COPS6: variants seen among roughly 807,000 people sequenced by gnomAD.
The protein encoded by COPS6 is COP9 signalosome subunit 6, also known as COP9 signalosome complex subunit 6.
Under a neutral mutation model 41.0 loss-of-function variants are expected in COPS6, and 9 were observed. The ratio of observed to expected loss-of-function variants is 0.22; its 90% CI spans 0.13 to 0.38. The LOEUF (loss-of-function observed/expected upper bound fraction) is 0.38. COPS6 is among the 10% of genes least tolerant of loss of function. The pLI is 1.00. For synonymous variants in COPS6, 179 were observed against 162.9 expected, an observed-to-expected ratio of 1.10 and a Z score of -0.75; for missense variants, 302 against 436.7, an observed-to-expected ratio of 0.69 and a Z score of 2.75.
chr7:100,089,206 G>C (rs1281306431), intron 1 of COPS6, 84 bp from the exon 2 acceptor site: 18 of 1,537,356 alleles, frequency 1.2e-5, no homozygotes, highest in Non-Finnish European at 5.3e-6. Flanking sequence ...AGTGTGGCCC[G>C]GGCTCCGCCG....
Position 100,091,817 on chromosome 7 carries a change from G to A in COPS6, c.*28G>A, listed in dbSNP as rs914869056. ...AGGGTACTTGAAGGGCTGATGGACA[G>A]GGGTCAGGCAACTATCCCAAAGGGG... On this transcript the variant is annotated 3_prime_UTR_variant, in exon 10 of 10. Coordinates refer to ENST00000303904, the MANE Select transcript of COPS6 (RefSeq NM_006833.5). The surrounding 1 kb of genome is among the most constrained non-coding windows in gnomAD (Gnocchi z 4.1). The A allele has an allele frequency of 6.2e-7, 1 of 1,613,988 alleles. No homozygotes were observed. Among genetic ancestry groups the A allele is most frequent in the Admixed American group, 1.7e-5 (1 of 60,022 alleles).
chr7:100,089,342 C>G lies in COPS6; in HGVS notation c.129C>G (p.Leu43=). 6.2e-7 allele frequency: 1 copy of G among 1,614,108 alleles called. No homozygotes were observed. The highest frequency in any genetic ancestry group is 8.5e-7 in the Non-Finnish European group (1 of 1,180,016). Residue 43 remains leucine (L), a synonymous_variant, in exon 2 of 10, where the codon CTC becomes CTG. Coordinates refer to ENST00000303904, the MANE Select transcript of COPS6 (RefSeq NM_006833.5). Reference sequence around the variant, plus strand: ...TGACTGGGAGTGTTTCCGTCGCTCTCCATCCCCTTGTCATTCTCAACATCT... The same window carrying G: ...TGACTGGGAGTGTTTCCGTCGCTCTGCATCCCCTTGTCATTCTCAACATCT... ...CGVTGSVSVA[L]HPLVILNISD... is the part of the protein sequence containing the mutation.
Position 100,092,063 on chromosome 7 carries a change from T to G in COPS6, c.*274T>G, listed in dbSNP as rs1449604316. On this transcript the variant is annotated 3_prime_UTR_variant, in exon 10 of 10. Coordinates refer to ENST00000303904, the MANE Select transcript of COPS6 (RefSeq NM_006833.5). ...GTGACCCCATGTCAGTCACATGGAC[T>G]GGTCTTTAGCAAAGTCCAAGGCTGC... 8.3e-6 allele frequency: 4 copies of G among 479,474 alleles called. No individual in the cohort carries two copies. The East Asian group carries it at 1.1e-4, about 14-fold the overall frequency. 29.7% of individuals were successfully genotyped at this position (479,474 alleles called of 1,614,324 possible). A position where few individuals can be genotyped will look rare whatever the true frequency, so the allele number is the denominator to read the frequency against.
rs958612990 is a variant in COPS6 at position 100,091,987 on chromosome 7, G to C, written c.*198G>C. 10 of 640,206 alleles carry C rather than the reference G, an allele frequency of 1.6e-5. No homozygotes were observed. Among genetic ancestry groups the C allele is most frequent in the Admixed American group, 5.9e-5 (2 of 33,692 alleles). The allele number at this position is 640,206 out of a possible 1,614,324, so 39.7% of individuals were successfully genotyped here. ...GTTCATCGAGGCTCATTCTGGCCTTGCTCAGAAGCCCTTCTGATGCTCTTC... is the reference window on the plus strand; with the variant it reads ...GTTCATCGAGGCTCATTCTGGCCTTCCTCAGAAGCCCTTCTGATGCTCTTC... On this transcript the variant is annotated 3_prime_UTR_variant, in exon 10 of 10. Transcript: ENST00000303904. The surrounding 1 kb of genome is among the most constrained non-coding windows in gnomAD (Gnocchi z 4.1).
Position 100,091,304 on chromosome 7 carries a change from T to G in COPS6, c.716T>G (p.Leu239Trp). The G allele has an allele frequency of 1.2e-6, 2 of 1,614,226 alleles. No homozygotes were observed. The highest frequency in any genetic ancestry group is 8.5e-7 in the Non-Finnish European group (1 of 1,180,030). The change falls in exon 8 of 10, where the codon TTG becomes TGG. Residue 239 changes from leucine (L) to tryptophan (W), a missense_variant. Leu to Trp is a moderately conservative substitution (Grantham distance 61). Coordinates refer to ENST00000303904, the MANE Select transcript of COPS6 (RefSeq NM_006833.5). The surrounding 1 kb of genome is among the most constrained non-coding windows in gnomAD (Gnocchi z 4.1). ...CTGCACAGCCGCGTCAAGCTCATCT[T>G]GGAGTACGTCAAGGCCTCTGAAGCG... ...KMLHSRVKLI[L>W]EYVKASEAGE...
chr7:100,091,247 A>T lies in COPS6; in HGVS notation c.659A>T (p.His220Leu). 2 of 1,614,142 alleles carry T rather than the reference A, an allele frequency of 1.2e-6. No homozygotes were observed. The highest frequency in any genetic ancestry group is 1.7e-6 in the Non-Finnish European group (2 of 1,180,010). The stretch of plus-strand genomic sequence containing the variant: ...CCTCATCCCCTTGCAGTGGCTGAAC[A>T]CCTGATAGCACAGCACAGCGCCATC... Reference protein sequence around the residue: ...GSGENSTVAEHLIAQHSAIKM... With the variant: ...GSGENSTVAELLIAQHSAIKM... Residue 220 changes from histidine (H) to leucine (L), a missense_variant, in exon 8 of 10, where the codon CAC becomes CTC. Coordinates refer to ENST00000303904, the MANE Select transcript of COPS6 (RefSeq NM_006833.5). The surrounding 1 kb of genome is among the most constrained non-coding windows in gnomAD (Gnocchi z 4.1).
intron 1 of COPS6, 69 bp from the exon 2 acceptor site, chr7:100,089,221 C>T: frequency 6.4e-7 from 1 of 1,554,446 alleles, no homozygotes; most frequent in Non-Finnish European, 8.7e-7. Flanking sequence ...CCGCCGTCCC[C>T]CACTGCCATC....
chr7:100,090,728 G>C, intron 5 of COPS6, 74 bp downstream of exon 5: 1 of 1,516,802 alleles, frequency 6.6e-7, no homozygotes. Flanking sequence ...CTCTATTGGG[G>C]AATGCCAGAT....
rs758547231 is a variant in COPS6 at position 100,091,612 on chromosome 7, G to T, written c.844-37G>T. The T allele has an allele frequency of 1.9e-6, 3 of 1,613,916 alleles. No homozygotes were observed. Among genetic ancestry groups the T allele is most frequent in the Non-Finnish European group, 2.5e-6 (3 of 1,179,830 alleles). ...TGTTGTTCCCCGGGCATGCCACGAG[G>T]GATCCCGAGGAACTGGTCCTTTCTG... On this transcript the variant is annotated intron_variant, in intron 9 of 9. Transcript: ENST00000303904. This position sits in a 1 kb window ranked among gnomAD's most constrained non-coding sequence, Gnocchi z 4.1.
In COPS6 at chr7:100,089,250, G is replaced by C. The variant is rs4729575; in HGVS notation, c.77-40G>C. The C allele has an allele frequency of 1.6e-5, 26 of 1,592,954 alleles. No homozygotes were observed. In the African/African-American group the frequency reaches 3.2e-4, roughly 20 times the overall value. On this transcript the variant is annotated intron_variant, in intron 1 of 9. Transcript: ENST00000303904. ...TGCCATCTCCAGGGAAGAACGTGGG[G>C]CCCGGACTCTCACCCTCTCTCCTTT...
Position 100,091,675 on chromosome 7 carries a change from C to G in COPS6, c.870C>G (p.Ala290=). 6.2e-7 allele frequency: 1 copy of G among 1,614,234 alleles called. No homozygotes were observed. The highest frequency in any genetic ancestry group is 8.5e-7 in the Non-Finnish European group (1 of 1,180,044). ...YDQCNDVGLM[A]YLGTITKTCN... ...AATGCAACGACGTGGGGCTCATGGC[C>G]TACCTCGGCACCATCACCAAAACGT... Residue 290 remains alanine (A), a synonymous_variant, in exon 10 of 10, where the codon GCC becomes GCG. Coordinates refer to ENST00000303904, the MANE Select transcript of COPS6 (RefSeq NM_006833.5). The surrounding 1 kb of genome is among the most constrained non-coding windows in gnomAD (Gnocchi z 4.1).
rs779593299 is a variant in COPS6, at chr7:100,090,673, C to T, written c.486+19C>T. 6.2e-7 allele frequency: 1 copy of T among 1,608,766 alleles called. No individual in the cohort carries two copies. The highest frequency in any genetic ancestry group is 1.3e-5 in the African/African-American group (1 of 74,820). On this transcript the variant is annotated intron_variant, in intron 5 of 9. Transcript: ENST00000303904. Reference sequence around the variant, plus strand: ...CACAGATGTGAGTAATACTCCATGCCTACTCTGTCATGATTGTCGCTATAC... The same window carrying T: ...CACAGATGTGAGTAATACTCCATGCTTACTCTGTCATGATTGTCGCTATAC...
intron 5 of COPS6, 71 bp from the exon 6 acceptor site, chr7:100,090,831 G>A: frequency 1.3e-6 from 2 of 1,558,406 alleles, no homozygotes; most frequent in Non-Finnish European, 1.8e-6. Flanking sequence ...GGGAAGATGA[G>A]AGGAAATGTG....
Position 100,089,233 on chromosome 7 carries a change from C to T in COPS6, c.77-57C>T, listed in dbSNP as rs895821090. On this transcript the variant is annotated intron_variant, in intron 1 of 9. Coordinates refer to ENST00000303904, the MANE Select transcript of COPS6 (RefSeq NM_006833.5). ...GCTCCGCCGTCCCCCACTGCCATCT[C>T]CAGGGAAGAACGTGGGGCCCGGACT... 21 of 1,577,432 alleles carry T rather than the reference C, an allele frequency of 1.3e-5. No individual in the cohort carries two copies. The African/African-American group carries it at 2.7e-4, about 20-fold the overall frequency.
At chr7:100,089,253 C>T (rs371808452) in intron 1 of COPS6, 37 bp from the exon 2 acceptor site, 28 of 1,594,978 alleles carry the variant, frequency 1.8e-5, no homozygotes, top group Middle Eastern at 1.7e-4. Context: ...ACGTGGGGCC[C>T]GGACTCTCAC....
rs1265509667 is a variant in COPS6, at chr7:100,089,008, G to GGCGGCGGCGGCT, written c.23_24insGGCGGCTGCGGC (p.Ala7_Ala10dup). On this transcript the variant is annotated inframe_insertion, in exon 1 of 10. Coordinates refer to ENST00000303904, the MANE Select transcript of COPS6 (RefSeq NM_006833.5). ...CGGGGAAAATGGCGGCGGCGGCGGC[G>GGCGGCGGCGGCT]GCGGCTGCAGCTACGAACGGGACCG... The GGCGGCGGCGGCT allele has an allele frequency of 7.6e-6, 10 of 1,311,602 alleles. No homozygotes were observed. The highest frequency in any genetic ancestry group is 9.7e-6 in the Non-Finnish European group (10 of 1,027,516). The allele number at this position is 1,311,602 out of a possible 1,614,324, so 81.2% of individuals were successfully genotyped here.
chr7:100,089,403 C>G lies in COPS6; in HGVS notation c.190C>G (p.Arg64Gly). The change falls in exon 2 of 10, where the codon CGG (arginine) becomes GGG (glycine). Residue 64 changes from arginine to glycine, a missense_variant. Around this residue, in one of 3 missense-constraint regions of COPS6, gnomAD observed 76 missense variants for 97.9 expected, o/e 0.78. Coordinates refer to ENST00000303904, the MANE Select transcript of COPS6 (RefSeq NM_006833.5). ...GATCCGCATGCGCTCCCAGGAGGGG[C>G]GGCCTGTGCAGGGTGAGTGTTGGGC... ...HWIRMRSQEG[R>G]PVQVIGALIG... 1.2e-6 allele frequency: 2 copies of G among 1,614,074 alleles called. No homozygotes were observed. Among genetic ancestry groups the G allele is most frequent in the South Asian group, 2.2e-5 (2 of 91,080 alleles).
Position 100,091,178 on chromosome 7 carries a change from G to A in COPS6, c.649+26G>A. ...GTAATGGAGGGGATTCCTTGGAAGT[G>A]GGGTTGGAAGGTGTGGCCACATCCC... is the stretch of plus-strand genomic sequence containing the variant. On this transcript the variant is annotated intron_variant, in intron 7 of 9. Coordinates refer to ENST00000303904, the MANE Select transcript of COPS6 (RefSeq NM_006833.5). This position sits in a 1 kb window ranked among gnomAD's most constrained non-coding sequence, Gnocchi z 4.1. 6.2e-7 allele frequency: 1 copy of A among 1,613,766 alleles called. No individual in the cohort carries two copies. The highest frequency in any genetic ancestry group is 8.5e-7 in the Non-Finnish European group (1 of 1,179,618).
Position 100,089,373 on chromosome 7 carries a change from C to G in COPS6, c.160C>G (p.His54Asp). The G allele has an allele frequency of 6.2e-7, 1 of 1,614,074 alleles. No individual in the cohort carries two copies. Among genetic ancestry groups the G allele is most frequent in the South Asian group, 1.1e-5 (1 of 91,082 alleles). Residue 54 changes from histidine to aspartate, a missense_variant, in exon 2 of 10, where the codon CAC (histidine) becomes GAC (aspartate). This residue lies in a region of COPS6 where 76 missense variants were observed against 97.9 expected (regional missense o/e 0.78). Transcript: ENST00000303904. ...HPLVILNISD[H>D]WIRMRSQEGR... ...CCTTGTCATTCTCAACATCTCAGAC[C>G]ACTGGATCCGCATGCGCTCCCAGGA...
Sources: gnomAD v4.1 joint callset for allele counts on GRCh38, gnomAD v4.1.1 for gene constraint, gnomAD v4.1.1 regional missense constraint, Gnocchi (gnomAD v3.1) non-coding constraint, MANE v1.5 for transcripts, NCBI Gene and HGNC (gene_info 2026-07-23, HGNC 2026-07-21) for gene names.